Variants in NBEA observed in about 807,000 individuals in gnomAD.
NBEA encodes neurobeachin.
In NBEA, 44 loss-of-function variants were observed where a neutral mutation model predicts 343.4. The observed-to-expected ratio is 0.13, with a 90% CI of 0.10 to 0.16. The LOEUF is 0.16. Among genes scored for constraint, NBEA ranks in the 10% least tolerant of loss-of-function variants. The pLI is 1.00. For missense variants in NBEA, 2,555 were observed against 3,631.3 expected (o/e 0.70, Z 7.62); for synonymous variants, 1,175 against 1,238.7 (o/e 0.95, Z 1.08).
At chr13:35,563,700 A>G (rs1461169644) in intron 44 of NBEA, among the ~76,000 whole-genome samples, 1 of 151,870 alleles carries the variant, frequency 6.6e-6, no homozygotes, top group Non-Finnish European at 1.5e-5. Flanking sequence ...TTTTCTTTTT[A>G]GCACTTATTT....
intron 39 of NBEA, among the ~76,000 whole-genome samples, chr13:35,439,364 G>A (rs763439468): frequency 4.6e-5 from 7 of 152,214 alleles, no homozygotes; most frequent in Admixed American, 2.0e-4. Context: ...AGTCTGGTTG[G>A]AGTAGGCTTC....
At chr13:35,103,275 C>A (rs561352756) in intron 11 of NBEA, among the ~76,000 whole-genome samples, 1 of 151,846 alleles carries the variant, frequency 6.6e-6, no homozygotes, top group East Asian at 1.9e-4. Flanking sequence ...TAAGATGGCT[C>A]ATGTCTTTGT....
rs1348909027 is a variant in NBEA, at chr13:35,672,143, T to C, written c.*1152T>C. The C allele has an allele frequency of 6.5e-6, 1 of 152,774 alleles. No homozygotes were observed. The highest frequency in any genetic ancestry group is 1.9e-4 in the East Asian group (1 of 5,186). The allele number at this position is 152,774 out of a possible 1,614,324, so 9.5% of individuals were successfully genotyped here. On this transcript the variant is annotated 3_prime_UTR_variant, in exon 59 of 59. Transcript: ENST00000379939. Reference sequence around the variant, plus strand: ...ATGATGGCTATCAAATGATTTTCCATACATTGTACTGATCAAGTTATACAC... The same window carrying C: ...ATGATGGCTATCAAATGATTTTCCACACATTGTACTGATCAAGTTATACAC...
intron 22 of NBEA, among the ~76,000 whole-genome samples, chr13:35,160,535 A>G (rs766203473): frequency 6.6e-6 from 1 of 152,298 alleles, no homozygotes; most frequent in South Asian, 2.1e-4. Context: ...AGTGCCTACT[A>G]TGTTCCGGGC....
At chr13:34,948,244 G>C (rs2059247608) in intron 1 of NBEA, among the ~76,000 whole-genome samples, 1 of 152,278 alleles carries the variant, frequency 6.6e-6, no homozygotes, top group African/African-American at 2.4e-5. Context: ...CTACCCCACT[G>C]CCTGCCTTGA....
At chr13:35,170,708 A>C (rs1432201399) in intron 25 of NBEA, among the ~76,000 whole-genome samples, 5 of 151,866 alleles carry the variant, frequency 3.3e-5, no homozygotes, top group Admixed American at 6.6e-5. Context: ...CTAGAGTTTT[A>C]TCGTACATGT....
intron 1 of NBEA, among the ~76,000 whole-genome samples, chr13:34,945,047 A>C (rs1050605007): frequency 1.3e-5 from 2 of 152,130 alleles, no homozygotes; most frequent in Non-Finnish European, 2.9e-5. Context: ...AAAATCTGAC[A>C]TGAAGTTTCA....
chr13:35,283,455 G>A lies in NBEA; in HGVS notation c.5777-6934G>A, dbSNP rs553969800. ...GTTCTTCCAAATATCTGAAATTTCC[G>A]TAGGGAAATGTGTAATATCAAATTA... On this transcript the variant is annotated intron_variant, in intron 34 of 58. Coordinates refer to ENST00000379939, the MANE Select transcript of NBEA (RefSeq NM_001385012.1). Among the ~76,000 whole-genome samples, 130 of 152,176 alleles carry A rather than the reference G, an allele frequency of 8.5e-4. No individual in the cohort carries two copies. The South Asian group carries it at 0.021, about 24-fold the overall frequency.
intron 41 of NBEA, among the ~76,000 whole-genome samples, chr13:35,524,249 A>G (rs1273007813): frequency 2.0e-5 from 3 of 152,216 alleles, no homozygotes; most frequent in African/African-American, 4.8e-5. Flanking sequence ...AGAAAAAGAA[A>G]AAGATTCATC....
intron 39 of NBEA, among the ~76,000 whole-genome samples, chr13:35,444,954 G>A (rs2045918828): frequency 6.6e-6 from 1 of 152,094 alleles, no homozygotes; most frequent in Non-Finnish European, 1.5e-5. Context: ...CCTAACACCT[G>A]TACTTCATGC....
chr13:35,610,756 G>A (rs1045590405), intron 48 of NBEA, among the ~76,000 whole-genome samples: 3 of 151,902 alleles, frequency 2.0e-5, no homozygotes, highest in African/African-American at 7.3e-5. Context: ...AAAATTAAAA[G>A]ACAAGCCACA....
chr13:35,421,718 A>G (rs1011654679), intron 38 of NBEA, among the ~76,000 whole-genome samples: 1 of 152,054 alleles, frequency 6.6e-6, no homozygotes, highest in African/African-American at 2.4e-5. Context: ...ATGGCAATAA[A>G]TATTCTGTTT....
In NBEA at chr13:35,161,757, A is replaced by G; in HGVS notation, c.3869A>G (p.Gln1290Arg). 2 of 1,609,548 alleles carry G rather than the reference A, an allele frequency of 1.2e-6. No homozygotes were observed. Among genetic ancestry groups the G allele is most frequent in the Non-Finnish European group, 1.7e-6 (2 of 1,177,934 alleles). ...IQTTTTTQAV[Q>R]GRSITQQDRD... ...CATCTTTTCCTTCTTTAGGCTGTGC[A>G]GGGTCGGTCTATCACCCAACAAGAC... The change falls in exon 23 of 59, where the codon CAG (glutamine) becomes CGG (arginine). Residue 1290 changes from glutamine (Q) to arginine (R), a missense_variant. Gln to Arg is a conservative substitution (Grantham distance 43). This residue lies in a region of NBEA where 367 missense variants were observed against 377.5 expected (regional missense o/e 0.97). Coordinates refer to ENST00000379939, the MANE Select transcript of NBEA (RefSeq NM_001385012.1).
chr13:35,664,621 G>A (rs969466870), intron 55 of NBEA, among the ~76,000 whole-genome samples: 12 of 152,254 alleles, frequency 7.9e-5, no homozygotes, highest in African/African-American at 2.7e-4. Context: ...ATAAAGTGAA[G>A]TAGGTTCAAT....
chr13:34,986,837 C>T (rs2060566301), intron 1 of NBEA, among the ~76,000 whole-genome samples: 1 of 150,536 alleles, frequency 6.6e-6, no homozygotes, highest in Non-Finnish European at 1.5e-5. Flanking sequence ...GATTGCAACC[C>T]CTGCTTTTTT....
chr13:35,211,445 C>T (rs1046979180), intron 33 of NBEA, among the ~76,000 whole-genome samples: 8 of 151,982 alleles, frequency 5.3e-5, no homozygotes, highest in East Asian at 3.9e-4. Flanking sequence ...TTACTATTTC[C>T]GGTAAAGGTT....
intron 34 of NBEA, among the ~76,000 whole-genome samples, chr13:35,268,990 A>G (rs1338052190): frequency 1.3e-5 from 2 of 152,114 alleles, no homozygotes; most frequent in African/African-American, 2.4e-5. Flanking sequence ...ATTTATTGCC[A>G]GCAGATCTGT....
chr13:35,586,600 T>TA lies in NBEA; in HGVS notation c.7176+2568dup, dbSNP rs566537395. Among the ~76,000 whole-genome samples the TA allele has an allele frequency of 8.5e-5, 13 of 152,350 alleles. No individual in the cohort carries two copies. The East Asian group carries it at 1.9e-3, about 23-fold the overall frequency. Reference sequence around the variant, plus strand: ...AATTCTGTGAACTTGGATTCTTTTATAAAAAATGTTTCTGAGTTAGAAGTT... The same window carrying TA: ...AATTCTGTGAACTTGGATTCTTTTATAAAAAAATGTTTCTGAGTTAGAAGTT... On this transcript the variant is annotated intron_variant, in intron 46 of 58. Coordinates refer to ENST00000379939, the MANE Select transcript of NBEA (RefSeq NM_001385012.1).
intron 17 of NBEA, among the ~76,000 whole-genome samples, chr13:35,129,157 A>C (rs201809902): frequency 6.6e-6 from 1 of 152,114 alleles, no homozygotes; most frequent in African/African-American, 2.4e-5. Flanking sequence ...ATATGTATAC[A>C]TATGTAACAA....
Sources: allele counts gnomAD v4.1 joint callset (sites outside exome capture counted in the v4.1 genomes callset), GRCh38; gene constraint gnomAD v4.1.1; regional missense constraint gnomAD v4.1.1; transcripts MANE v1.5; gene names NCBI Gene and HGNC (gene_info 2026-07-23, HGNC 2026-07-21).